GPR158: variants seen among roughly 807,000 people sequenced by gnomAD.
GPR158 encodes metabotropic glycine receptor.
In GPR158, 30 loss-of-function variants were observed where a neutral mutation model predicts 78.2. The ratio of observed to expected loss-of-function variants is 0.38; its 90% CI spans 0.29 to 0.52. The LOEUF (loss-of-function observed/expected upper bound fraction) is 0.52, where lower values mean the gene tolerates loss of function less well. GPR158 is among the 20% of genes least tolerant of loss of function. GPR158 has a pLI of 0.83. For synonymous variants in GPR158, 581 were observed against 591.1 expected, an observed-to-expected ratio of 0.98 and a Z score of 0.25; for missense variants, 1,463 against 1,523.5, an observed-to-expected ratio of 0.96 and a Z score of 0.66.
chr10:25,257,714 CATATT>C (rs1422017295), intron 2 of GPR158, among the ~76,000 whole-genome samples: 1 of 152,114 alleles, frequency 6.6e-6, no homozygotes, highest in Admixed American at 6.5e-5. Context: ...ACTTTGTATT[CATATT>C]ATATCATTAA....
At chr10:25,405,800 C>T (rs913152049) in intron 3 of GPR158, among the ~76,000 whole-genome samples, 21 of 152,010 alleles carry the variant, frequency 1.4e-4, no homozygotes, top group African/African-American at 5.1e-4. Flanking sequence ...AAAATGACCA[C>T]AGGCAAGAAT....
At chr10:25,286,603 TG>T (rs757282242) in intron 2 of GPR158, among the ~76,000 whole-genome samples, 6 of 150,146 alleles carry the variant, frequency 4.0e-5, no homozygotes, top group South Asian at 2.2e-4. Context: ...ACAGTGTTGT[TG>T]TTTTTTTTTA....
chr10:25,566,255 C>A (rs1836927604), intron 6 of GPR158, among the ~76,000 whole-genome samples: 1 of 152,088 alleles, frequency 6.6e-6, no homozygotes, highest in East Asian at 1.9e-4. Flanking sequence ...AAGCTTACAG[C>A]AAAATTTTCT....
At chr10:25,463,155 G>A (rs532938638) in intron 4 of GPR158, among the ~76,000 whole-genome samples, 1 of 152,186 alleles carries the variant, frequency 6.6e-6, no homozygotes, top group Non-Finnish European at 1.5e-5. Flanking sequence ...CCAGCAAAAA[G>A]ATTAGAACTT....
At chr10:25,280,749 A>G (rs1854257325) in intron 2 of GPR158, among the ~76,000 whole-genome samples, 1 of 152,220 alleles carries the variant, frequency 6.6e-6, no homozygotes, top group African/African-American at 2.4e-5. Flanking sequence ...GTACGTACGT[A>G]CATACGTACA....
At chr10:25,232,882 A>G (rs1238316494) in intron 2 of GPR158, among the ~76,000 whole-genome samples, 2 of 152,204 alleles carry the variant, frequency 1.3e-5, no homozygotes, top group South Asian at 2.1e-4. Flanking sequence ...TTTAAAATAT[A>G]AGCTCACACG....
At chr10:25,429,890 C>T (rs1314252444) in intron 4 of GPR158, among the ~76,000 whole-genome samples, 1 of 139,756 alleles carries the variant, frequency 7.2e-6, no homozygotes, top group Non-Finnish European at 1.5e-5. Context: ...TATGACAAAC[C>T]CACAGCCAAT....
chr10:25,306,780 A>G (rs1459786820), intron 2 of GPR158, among the ~76,000 whole-genome samples: 1 of 152,182 alleles, frequency 6.6e-6, no homozygotes, highest in Non-Finnish European at 1.5e-5. Context: ...AATCAAGCAT[A>G]TAATCCTCCT....
intron 2 of GPR158, among the ~76,000 whole-genome samples, chr10:25,365,396 A>T (rs953213189): frequency 1.3e-5 from 2 of 151,702 alleles, no homozygotes; most frequent in Admixed American, 6.6e-5. Context: ...TATGCCCTTT[A>T]TTCTGTACTT....
intron 2 of GPR158, among the ~76,000 whole-genome samples, chr10:25,221,460 C>T (rs555984427): frequency 1.3e-5 from 2 of 152,194 alleles, no homozygotes; most frequent in East Asian, 1.9e-4. Flanking sequence ...AGAAACCAGT[C>T]CCAGGAATGG....
chr10:25,270,674 A>G (rs1854106844), intron 2 of GPR158, among the ~76,000 whole-genome samples: 1 of 152,156 alleles, frequency 6.6e-6, no homozygotes, highest in African/African-American at 2.4e-5. Context: ...CAGGCCAGAT[A>G]TCTACAAGTC....
intron 5 of GPR158, among the ~76,000 whole-genome samples, chr10:25,472,201 A>G (rs1303042259): frequency 3.9e-5 from 6 of 152,014 alleles, no homozygotes; most frequent in Non-Finnish European, 5.9e-5. Flanking sequence ...TTTTCCCAGC[A>G]CCATTTATTA....
intron 2 of GPR158, among the ~76,000 whole-genome samples, chr10:25,293,697 C>G (rs1245967): frequency 0.54 from 82,115 of 151,326 alleles, 23,222 homozygotes; most frequent in Non-Finnish European, 0.64. Context: ...ATCATCTTGT[C>G]TCCTTGATTC....
chr10:25,339,154 T>C (rs1203698223), intron 2 of GPR158, among the ~76,000 whole-genome samples: 1 of 151,860 alleles, frequency 6.6e-6, no homozygotes, highest in Non-Finnish European at 1.5e-5. Flanking sequence ...CTGGCCAGCT[T>C]TAAAATTTAT....
chr10:25,307,278 G>T (rs182486095), intron 2 of GPR158, among the ~76,000 whole-genome samples: 24 of 149,860 alleles, frequency 1.6e-4, no homozygotes, highest in Non-Finnish European at 2.7e-4. Context: ...ACTTCATCAC[G>T]TGGTTTTTCA....
chr10:25,289,123 A>G lies in GPR158; in HGVS notation c.1008+67966A>G, dbSNP rs189891730. Among the ~76,000 whole-genome samples, 432 of 152,328 alleles carry G rather than the reference A, an allele frequency of 2.8e-3. 1 individual carries two copies. The highest frequency in any genetic ancestry group is 6.6e-3 in the Admixed American group (101 of 15,304). ...GCCTTTGTTTTCTCACCTGTACTGCATGGTGTATGAAGATCATTCATTTAC... is the reference window on the plus strand; with the variant it reads ...GCCTTTGTTTTCTCACCTGTACTGCGTGGTGTATGAAGATCATTCATTTAC... On this transcript the variant is annotated intron_variant, in intron 2 of 10. Coordinates refer to ENST00000376351, the MANE Select transcript of GPR158 (RefSeq NM_020752.3).
intron 2 of GPR158, among the ~76,000 whole-genome samples, chr10:25,321,864 AT>A (rs1397999395): frequency 1.3e-5 from 2 of 152,256 alleles, no homozygotes; most frequent in Admixed American, 6.5e-5. Context: ...TATCTTATAT[AT>A]TTTTTATTCT....
chr10:25,209,901 G>C (rs1053113489), intron 1 of GPR158, among the ~76,000 whole-genome samples: 4 of 152,208 alleles, frequency 2.6e-5, no homozygotes, highest in African/African-American at 9.6e-5. Flanking sequence ...GGAGAACTGT[G>C]TTCTTGGTGC....
chr10:25,542,156 C>T (rs1190224553), intron 5 of GPR158, among the ~76,000 whole-genome samples: 1 of 151,904 alleles, frequency 6.6e-6, no homozygotes, highest in African/African-American at 2.4e-5. Flanking sequence ...ACTGTTCTCA[C>T]ACTCTCTACT....
Sources: allele counts gnomAD v4.1 joint callset (sites outside exome capture counted in the v4.1 genomes callset), GRCh38; gene constraint gnomAD v4.1.1; transcripts MANE v1.5; gene names NCBI Gene and HGNC (gene_info 2026-07-23, HGNC 2026-07-21).